Variants in RAB3C observed in about 807,000 individuals in gnomAD.
RAB3C encodes RAB3C, member RAS oncogene family.
RAB3C carries 17 observed loss-of-function variants against 26.4 expected under a neutral mutation model. The observed-to-expected ratio is 0.64, with a 90% CI of 0.44 to 0.97. The LOEUF (loss-of-function observed/expected upper bound fraction) is 0.97, where lower values mean the gene tolerates loss of function less well. RAB3C is among the 50% of genes least tolerant of loss of function. The pLI is 0.00. For missense variants in RAB3C, 242 were observed against 281.9 expected (o/e 0.86, Z 1.01); for synonymous variants, 91 against 95.9 (o/e 0.95, Z 0.30).
chr5:58,795,912 C>G (rs1475726747), intron 3 of RAB3C, among the ~76,000 whole-genome samples: 2 of 151,140 alleles, frequency 1.3e-5, no homozygotes, highest in Non-Finnish European at 3.0e-5. Flanking sequence ...TAGAGTGAAA[C>G]ATGGTTAAGG....
chr5:58,716,011 C>G (rs2111904280), intron 2 of RAB3C, among the ~76,000 whole-genome samples: 1 of 145,870 alleles, frequency 6.9e-6, no homozygotes, highest in East Asian at 2.0e-4. Flanking sequence ...CACATGTACC[C>G]TATAACTTAA....
At chr5:58,708,150 C>G (rs1479115537) in intron 2 of RAB3C, among the ~76,000 whole-genome samples, 1 of 152,038 alleles carries the variant, frequency 6.6e-6, no homozygotes, top group Non-Finnish European at 1.5e-5. Context: ...ACCCCCACAC[C>G]TGGCTAATTT....
chr5:58,794,622 T>C (rs1276873411), intron 3 of RAB3C: 3 of 152,172 alleles, frequency 2.0e-5, no homozygotes, highest in African/African-American at 7.2e-5. Flanking sequence ...AGAATCACTG[T>C]TTTTAATTAT....
intron 3 of RAB3C, among the ~76,000 whole-genome samples, chr5:58,754,019 CG>C (rs145028428): frequency 5.1e-4 from 77 of 151,994 alleles, no homozygotes; most frequent in African/African-American, 1.9e-3. Flanking sequence ...AGCTTGGGGT[CG>C]GGGGGTTGGA....
At chr5:58,824,602 G>C (rs930968557) in intron 3 of RAB3C, among the ~76,000 whole-genome samples, 6 of 152,112 alleles carry the variant, frequency 3.9e-5, no homozygotes, top group African/African-American at 1.4e-4. Context: ...TTGTTTTCGT[G>C]TGATGTGCTG....
chr5:58,667,544 T>C (rs1748026297), intron 2 of RAB3C, among the ~76,000 whole-genome samples: 2 of 152,134 alleles, frequency 1.3e-5, no homozygotes. Flanking sequence ...GAAGAGTATA[T>C]TAATTTGCTT....
intron 2 of RAB3C, among the ~76,000 whole-genome samples, chr5:58,667,626 G>T (rs962382583): frequency 3.9e-5 from 6 of 152,072 alleles, no homozygotes; most frequent in Admixed American, 2.6e-4. Context: ...GATATGATTT[G>T]TTAAGAATTT....
At chr5:58,612,939 A>G (rs906494652) in intron 1 of RAB3C, among the ~76,000 whole-genome samples, 3 of 152,098 alleles carry the variant, frequency 2.0e-5, no homozygotes, top group Admixed American at 6.6e-5. Context: ...TTGCCCATTC[A>G]GTATGAAACG....
chr5:58,584,131 T>G (rs1002673109), intron 1 of RAB3C, among the ~76,000 whole-genome samples: 3 of 152,162 alleles, frequency 2.0e-5, no homozygotes, highest in African/African-American at 7.2e-5. Flanking sequence ...AAAACATCAT[T>G]TGGAATGTGC....
chr5:58,637,557 A>C (rs1213038309), intron 2 of RAB3C, among the ~76,000 whole-genome samples: 1 of 152,164 alleles, frequency 6.6e-6, no homozygotes, highest in African/African-American at 2.4e-5. Flanking sequence ...AAGTTCCAAA[A>C]TTAATATATT....
intron 4 of RAB3C, 151 bp downstream of exon 4, chr5:58,825,313 T>C: frequency 1.2e-6 from 1 of 831,308 alleles, no homozygotes; most frequent in South Asian, 2.8e-5. Context: ...AAGTGGACAA[T>C]ATATTTTCTC....
intron 2 of RAB3C, among the ~76,000 whole-genome samples, chr5:58,695,145 A>G (rs572105919): frequency 9.9e-5 from 15 of 152,250 alleles, no homozygotes; most frequent in African/African-American, 2.9e-4. Context: ...AGCTTTCTAC[A>G]TATGGCTAGC....
intron 4 of RAB3C, among the ~76,000 whole-genome samples, chr5:58,842,339 A>G (rs1743893821): frequency 6.6e-6 from 1 of 151,990 alleles, no homozygotes; most frequent in Non-Finnish European, 1.5e-5. Flanking sequence ...CAGATGGCTA[A>G]TCTCATGGAC....
In RAB3C at chr5:58,858,757, AC is replaced by A. The variant is rs1382023857; in HGVS notation, c.*7410del. On this transcript the variant is annotated 3_prime_UTR_variant, in exon 5 of 5. Transcript: ENST00000282878. Reference sequence around the variant, plus strand: ...CTGGCCCTTTGAAACCATTCAAATTACCCCAGTTTAGCTCCCTACCTTTTAG... The same window carrying A: ...CTGGCCCTTTGAAACCATTCAAATTACCCAGTTTAGCTCCCTACCTTTTAG... The A allele has an allele frequency of 6.6e-6, 1 of 152,214 alleles. No homozygotes were observed. Among genetic ancestry groups the A allele is most frequent in the East Asian group, 1.9e-4 (1 of 5,196 alleles). The allele number at this position is 152,214 out of a possible 1,614,324, so 9.4% of individuals were successfully genotyped here.
chr5:58,849,730 C>T (rs967885550), intron 4 of RAB3C, among the ~76,000 whole-genome samples: 1 of 152,192 alleles, frequency 6.6e-6, no homozygotes, highest in Non-Finnish European at 1.5e-5. Context: ...GAAATTCAAG[C>T]TCAGATGTAG....
intron 3 of RAB3C, among the ~76,000 whole-genome samples, chr5:58,727,123 CT>C (rs35767078): frequency 0.51 from 76,964 of 151,664 alleles, 20,431 homozygotes; most frequent in Non-Finnish European, 0.6. Context: ...AGACAGCATT[CT>C]TTTTTTGTTT....
chr5:58,662,559 A>T (rs913786445), intron 2 of RAB3C, among the ~76,000 whole-genome samples: 2 of 150,342 alleles, frequency 1.3e-5, no homozygotes, highest in African/African-American at 2.5e-5. Flanking sequence ...AAGACCATTT[A>T]TCAGCTAAGA....
intron 2 of RAB3C, among the ~76,000 whole-genome samples, chr5:58,621,106 T>C (rs380850): frequency 0.23 from 35,458 of 152,112 alleles, 4,290 homozygotes; most frequent in Admixed American, 0.31. Flanking sequence ...TCCCAACTTA[T>C]AGTATTTTTA....
intron 2 of RAB3C, among the ~76,000 whole-genome samples, chr5:58,688,249 C>T (rs1748488172): frequency 6.6e-6 from 1 of 152,092 alleles, no homozygotes; most frequent in African/African-American, 2.4e-5. Context: ...CCTCATAGCT[C>T]AAGCCTGGCT....
Sources: allele counts gnomAD v4.1 joint callset (sites outside exome capture counted in the v4.1 genomes callset), GRCh38; gene constraint gnomAD v4.1.1; transcripts MANE v1.5; gene names NCBI Gene and HGNC (gene_info 2026-07-23, HGNC 2026-07-21).